Variants in CABIN1 observed in about 807,000 individuals in gnomAD.
CABIN1 encodes the protein calcineurin binding protein 1, also known as calcineurin-binding protein cabin-1.
CABIN1 carries 133 observed loss-of-function variants against 227.7 expected under a neutral mutation model. The ratio of observed to expected loss-of-function variants is 0.58; its 90% CI spans 0.51 to 0.67. CABIN1 has a LOEUF of 0.67. Ranked by LOEUF, CABIN1 falls within the 30% of genes least tolerant of loss-of-function variation. The pLI is 0.00. For synonymous variants in CABIN1, 1,086 were observed against 1,155.1 expected (o/e 0.94, Z 1.21); for missense variants, 2,408 against 2,852.5 (o/e 0.84, Z 3.55).
chr22:24,170,513 G>A (rs1486342583), intron 33 of CABIN1, among the ~76,000 whole-genome samples: 1 of 152,172 alleles, frequency 6.6e-6, no homozygotes, highest in African/African-American at 2.4e-5. Flanking sequence ...AACACCACTG[G>A]TATTGCCGCA....
chr22:24,099,715 T>G (rs1245250098), intron 26 of CABIN1, among the ~76,000 whole-genome samples: 1 of 152,246 alleles, frequency 6.6e-6, no homozygotes, highest in Non-Finnish European at 1.5e-5. Context: ...GAGGAAGCAC[T>G]ATGCCAAAGT....
intron 28 of CABIN1, among the ~76,000 whole-genome samples, chr22:24,131,782 T>C (rs2003756): frequency 0.29 from 43,596 of 152,056 alleles, 7,818 homozygotes; most frequent in African/African-American, 0.5. Flanking sequence ...GTGCAGGTGA[T>C]GGACCAGGCA....
chr22:24,047,081 C>T (rs1480118402), intron 6 of CABIN1, among the ~76,000 whole-genome samples: 1 of 152,062 alleles, frequency 6.6e-6, no homozygotes, highest in East Asian at 1.9e-4. Context: ...GCAAAGACAC[C>T]CTCACAGACA....
chr22:24,083,503 A>G, intron 20 of CABIN1, 114 bp downstream of exon 20: 3 of 1,191,012 alleles, frequency 2.5e-6, no homozygotes, highest in South Asian at 2.5e-5. Flanking sequence ...GTTGCATCAG[A>G]AGGAGGAGAG....
At chr22:24,085,742 A>T (rs2041115144) in intron 22 of CABIN1, among the ~76,000 whole-genome samples, 1 of 152,192 alleles carries the variant, frequency 6.6e-6, no homozygotes, top group Non-Finnish European at 1.5e-5. Flanking sequence ...GGAGCCTCTC[A>T]AGGGGCCTTC....
Position 24,041,135 on chromosome 22 carries a change from A to G in CABIN1, c.211-4A>G. On this transcript the variant is annotated splice_region_variant and splice_polypyrimidine_tract_variant and intron_variant, in intron 4 of 36. Coordinates refer to ENST00000263119, the MANE Select transcript of CABIN1 (RefSeq NM_012295.4). ...TTGTCACTTCTGTTCTGTTTTGTTC[A>G]CAGGCAGTTTCATCCGGTGATGAGA... 6.2e-6 allele frequency: 10 copies of G among 1,614,082 alleles called. No individual in the cohort carries two copies. The highest frequency in any genetic ancestry group is 8.5e-6 in the Non-Finnish European group (10 of 1,179,998).
At position 24,113,653 on chromosome 22, in the gene CABIN1, G is replaced by A. The variant is rs551108170; in HGVS notation, c.4205G>A (p.Gly1402Asp). 1 of 1,614,012 alleles carries A rather than the reference G, an allele frequency of 6.2e-7. No individual in the cohort carries two copies. Among genetic ancestry groups the A allele is most frequent in the Admixed American group, 1.7e-5 (1 of 60,004 alleles). The change falls in exon 27 of 37, where the codon GGC becomes GAC. Residue 1402 changes from glycine to aspartate, a missense_variant. Physicochemically the swap from Gly to Asp is moderately conservative, Grantham distance 94 (BLOSUM62 -1). Coordinates refer to ENST00000263119, the MANE Select transcript of CABIN1 (RefSeq NM_012295.4). The stretch of plus-strand genomic sequence containing the variant: ...AATGAGCCCACCAGCTTACTGGAAG[G>A]CTCCAGGAAATCCTACACAGAGAAG... ...FFNEPTSLLE[G>D]SRKSYTEKRL... is the part of the protein sequence containing the mutation.
intron 31 of CABIN1, 113 bp from the exon 32 acceptor site, chr22:24,166,526 G>A (rs2046456321): frequency 2.3e-6 from 3 of 1,309,200 alleles, no homozygotes; most frequent in Non-Finnish European, 3.3e-6. Context: ...GATGTCCGGA[G>A]CCACACAGAT....
At chr22:24,146,680 TTAAA>T (rs2045140386) in intron 29 of CABIN1, among the ~76,000 whole-genome samples, 1 of 152,210 alleles carries the variant, frequency 6.6e-6, no homozygotes. Flanking sequence ...AAAAAAATAA[TTAAA>T]TAAATAAAAT....
intron 1 of CABIN1, among the ~76,000 whole-genome samples, chr22:24,030,216 T>G (rs2036400915): frequency 6.6e-6 from 1 of 152,192 alleles, no homozygotes; most frequent in Non-Finnish European, 1.5e-5. Context: ...GGCTCTTAGC[T>G]GAAGCATAAT....
chr22:24,042,981 C>T lies in CABIN1; in HGVS notation c.423C>T (p.Pro141=), dbSNP rs1299223783. The T allele has an allele frequency of 6.2e-7, 1 of 1,613,916 alleles. No homozygotes were observed. Among genetic ancestry groups the T allele is most frequent in the Non-Finnish European group, 8.5e-7 (1 of 1,180,000 alleles). Residue 141 remains proline, a synonymous_variant, in exon 6 of 37, where the codon CCC becomes CCT. Coordinates refer to ENST00000263119, the MANE Select transcript of CABIN1 (RefSeq NM_012295.4). ...TGGCCCTGAGGCTCATCCGGATCCC[C>T]CTGGCTCGCCATGCTTTTGAGGAAG... ...GHVALRLIRI[P]LARHAFEEGL... is the part of the protein sequence containing the mutation.
Position 24,168,430 on chromosome 22 carries a change from A to T in CABIN1, c.5683-17A>T. On this transcript the variant is annotated splice_polypyrimidine_tract_variant and intron_variant, in intron 32 of 36. Coordinates refer to ENST00000263119, the MANE Select transcript of CABIN1 (RefSeq NM_012295.4). ...CAATGGCCTGCGCCCCCTGACTTCC[A>T]GCATCTCCCTGTTAAGGTGGATGAG... The T allele has an allele frequency of 6.4e-7, 1 of 1,564,480 alleles. No homozygotes were observed.
At position 24,059,992 on chromosome 22, in the gene CABIN1, C is replaced by G; in HGVS notation, c.1468C>G (p.Arg490Gly). 6.2e-7 allele frequency: 1 copy of G among 1,614,194 alleles called. No individual in the cohort carries two copies. Among genetic ancestry groups the G allele is most frequent in the Non-Finnish European group, 8.5e-7 (1 of 1,180,036 alleles). Residue 490 changes from arginine to glycine, a missense_variant, in exon 12 of 37, where the codon CGC (arginine) becomes GGC (glycine). Arg to Gly is a moderately radical substitution (Grantham distance 125). This residue lies in a region of CABIN1 where 1,045 missense variants were observed against 1,168.4 expected (regional missense o/e 0.89). Transcript: ENST00000263119. ...CGGGGGCATCCTGGAGCTGATGATG[C>G]GCTACCTGAAAGCCATGGGCCACAA... is the stretch of plus-strand genomic sequence containing the variant. ...TNGGILELMM[R>G]YLKAMGHKFL...
intron 1 of CABIN1, among the ~76,000 whole-genome samples, chr22:24,030,349 G>A (rs1264777778): frequency 3.3e-5 from 5 of 152,134 alleles, no homozygotes; most frequent in African/African-American, 4.8e-5. Context: ...ATGACTTTGG[G>A]CAGGTCAGCT....
At chr22:24,057,743 A>G (rs1390225952) in intron 10 of CABIN1, among the ~76,000 whole-genome samples, 1 of 152,240 alleles carries the variant, frequency 6.6e-6, no homozygotes, top group East Asian at 1.9e-4. Context: ...AAATGCTTAG[A>G]AATAATGATT....
At chr22:24,106,506 G>C (rs573739920) in intron 26 of CABIN1, among the ~76,000 whole-genome samples, 37 of 152,336 alleles carry the variant, frequency 2.4e-4, no homozygotes, top group African/African-American at 8.2e-4. Flanking sequence ...CAGGGGTCCT[G>C]TTCTCCAAGA....
intron 28 of CABIN1, among the ~76,000 whole-genome samples, chr22:24,123,918 A>G (rs1243088220): frequency 1.3e-5 from 2 of 152,332 alleles, no homozygotes; most frequent in East Asian, 3.9e-4. Context: ...AGGGGCCCAC[A>G]AGCAGAGCCT....
chr22:24,166,551 G>T, intron 31 of CABIN1, 88 bp from the exon 32 acceptor site: 1 of 1,531,772 alleles, frequency 6.5e-7, no homozygotes, highest in Non-Finnish European at 9.0e-7. Context: ...GGTGGGAGAG[G>T]CCCAGGTTGG....
chr22:24,108,707 TAA>T (rs1396329336), intron 26 of CABIN1, among the ~76,000 whole-genome samples: 2 of 152,038 alleles, frequency 1.3e-5, no homozygotes, highest in Non-Finnish European at 2.9e-5. Flanking sequence ...GAGACATGGG[TAA>T]AGAGGCCAGA....
Sources: gnomAD v4.1 joint callset for allele counts (sites outside exome capture counted in the v4.1 genomes callset) on GRCh38, gnomAD v4.1.1 for gene constraint, gnomAD v4.1.1 regional missense constraint, MANE v1.5 for transcripts, NCBI Gene and HGNC (gene_info 2026-07-23, HGNC 2026-07-21) for gene names.